ABCF2: variants seen among roughly 807,000 people sequenced by gnomAD.
ABCF2 encodes ATP binding cassette subfamily F member 2.
In ABCF2, 37 loss-of-function variants were observed where a neutral mutation model predicts 76.9. The ratio of observed to expected loss-of-function variants is 0.48; its 90% CI spans 0.37 to 0.63. ABCF2 has a LOEUF of 0.63. Among genes scored for constraint, ABCF2 ranks in the 30% least tolerant of loss-of-function variants. The pLI is 0.00. For missense variants in ABCF2, 524 were observed against 782.1 expected (o/e 0.67, Z 3.94); for synonymous variants, 299 against 283.7 (o/e 1.05, Z -0.54).
In ABCF2 at chr7:151,212,147, T is replaced by C. The variant is rs950665582; in HGVS notation, c.*1907A>G. On this transcript the variant is annotated 3_prime_UTR_variant, in exon 15 of 15. Transcript: ENST00000287844. ...TTTAAGCACCATCTGGGACAGTTGCTCCCGCCAGTCCTGGCTGTATTATGA... is the reference window on the plus strand; with the variant it reads ...TTTAAGCACCATCTGGGACAGTTGCCCCCGCCAGTCCTGGCTGTATTATGA... The C allele has an allele frequency of 2.0e-6, 2 of 985,276 alleles. No homozygotes were observed. The highest frequency in any genetic ancestry group is 2.4e-6 in the Non-Finnish European group (2 of 829,916). 61.0% of individuals were successfully genotyped at this position (985,276 alleles called of 1,614,324 possible). A position where few individuals can be genotyped will look rare whatever the true frequency, so the allele number is the denominator to read the frequency against.
intron 3 of ABCF2, 96 bp from the exon 4 acceptor site, chr7:151,224,210 A>ATTTT: frequency 2.0e-6 from 2 of 997,430 alleles, no homozygotes; most frequent in Non-Finnish European, 2.8e-6. Context: ...GACCTCATCC[A>ATTTT]TTTTTTTTTT....
In ABCF2 at chr7:151,215,138, G is replaced by A. The variant is rs1802125045; in HGVS notation, c.1531-56C>T. The A allele has an allele frequency of 1.4e-6, 2 of 1,479,862 alleles. No individual in the cohort carries two copies. The highest frequency in any genetic ancestry group is 1.7e-4 in the Middle Eastern group (1 of 5,816). The allele number at this position is 1,479,862 out of a possible 1,614,324, so 91.7% of individuals were successfully genotyped here. On this transcript the variant is annotated intron_variant, in intron 13 of 14. Transcript: ENST00000287844. The surrounding 1 kb of genome is among the most constrained non-coding windows in gnomAD (Gnocchi z 4.6). ...GGCATTATCCCCGCCAAACAGCACA[G>A]CTCATCTCTCCCTCATTTCTCCCTG...
In ABCF2 at chr7:151,217,213, GA is replaced by G. The variant is rs572812460; in HGVS notation, c.1338+867del. On this transcript the variant is annotated intron_variant, in intron 11 of 14. Transcript: ENST00000287844. ...AGGGAACAAGACAAGAACCAGCCCT[GA>G]AGAGGACACCATTCCATTATAGGAT... is the stretch of plus-strand genomic sequence containing the variant. Among the ~76,000 whole-genome samples, 9 of 152,298 alleles carry G rather than the reference GA, an allele frequency of 5.9e-5. No homozygotes were observed. In the South Asian group the frequency reaches 1.7e-3, roughly 28 times the overall value.
chr7:151,215,700 T>A lies in ABCF2; in HGVS notation c.1434A>T (p.Ser478=), dbSNP rs7786151. The change falls in exon 13 of 15, where the codon TCA becomes TCT. Residue 478 remains serine, a synonymous_variant. Transcript: ENST00000287844. The surrounding 1 kb of genome is among the most constrained non-coding windows in gnomAD (Gnocchi z 4.6). The part of the protein sequence containing the change: ...HLQEQLDLDL[S]PLEYMMKCYP... ...AGCACTTCATCATGTACTCCAAAGG[T>A]GAGAGATCTAAGTCCAGCTGCTCTT... is the stretch of plus-strand genomic sequence containing the variant. 1 of 1,614,082 alleles carries A rather than the reference T, an allele frequency of 6.2e-7. No homozygotes were observed. Among genetic ancestry groups the A allele is most frequent in the South Asian group, 1.1e-5 (1 of 91,084 alleles).
At chr7:151,217,191 G>C (rs889709615) in intron 11 of ABCF2, among the ~76,000 whole-genome samples, 3 of 152,112 alleles carry the variant, frequency 2.0e-5, no homozygotes, top group Non-Finnish European at 2.9e-5. Context: ...ACAACCCAGG[G>C]AACAAGACAA....
rs778407938 is a variant in ABCF2, at chr7:151,213,645, G to A, written c.*409C>T. On this transcript the variant is annotated 3_prime_UTR_variant, in exon 15 of 15. Coordinates refer to ENST00000287844, the MANE Select transcript of ABCF2 (RefSeq NM_007189.3). The stretch of plus-strand genomic sequence containing the variant: ...TCCAAACCAGAAGCAAAAAGGAATC[G>A]GGGCGGTGGGCTGGGGGGTACTCCT... 1.6e-5 allele frequency: 16 copies of A among 999,336 alleles called. No individual in the cohort carries two copies. The African/African-American group carries it at 1.9e-4, about 12-fold the overall frequency. 61.9% of individuals were successfully genotyped at this position (999,336 alleles called of 1,614,324 possible). A position where few individuals can be genotyped will look rare whatever the true frequency, so the allele number is the denominator to read the frequency against.
Position 151,218,769 on chromosome 7 carries a change from C to A in ABCF2, c.1122G>T (p.Arg374Ser). The change falls in exon 9 of 15, where the codon AGG (arginine) becomes AGT (serine). Residue 374 changes from arginine to serine, a missense_variant. Arg to Ser is a moderately radical substitution (Grantham distance 110). Transcript: ENST00000287844. The part of the protein sequence containing the change: ...QKMMASGLTE[R>S]VVSDKTLSFY... ...CACACCCCACCTTATCGCTCACGAC[C>A]CTCTCTGTCAGTCCTGATGCCATCA... The A allele has an allele frequency of 6.2e-7, 1 of 1,613,868 alleles. No homozygotes were observed. The highest frequency in any genetic ancestry group is 8.5e-7 in the Non-Finnish European group (1 of 1,180,004).
Position 151,215,149 on chromosome 7 carries a change from C to A in ABCF2, c.1531-67G>T. Reference sequence around the variant, plus strand: ...CGCCAAACAGCACAGCTCATCTCTCCCTCATTTCTCCCTGACTCCTCCATT... The same window carrying A: ...CGCCAAACAGCACAGCTCATCTCTCACTCATTTCTCCCTGACTCCTCCATT... On this transcript the variant is annotated intron_variant, in intron 13 of 14. Transcript: ENST00000287844. The surrounding 1 kb of genome is among the most constrained non-coding windows in gnomAD (Gnocchi z 4.6). 1 of 1,414,256 alleles carries A rather than the reference C, an allele frequency of 7.1e-7. No homozygotes were observed. The allele number at this position is 1,414,256 out of a possible 1,614,324, so 87.6% of individuals were successfully genotyped here.
intron 11 of ABCF2, among the ~76,000 whole-genome samples, chr7:151,216,802 C>T (rs1414320285): frequency 1.3e-5 from 2 of 152,244 alleles, no homozygotes; most frequent in Non-Finnish European, 2.9e-5. Context: ...GTGTGAGCCA[C>T]GGCACCTGGC....
In ABCF2 at chr7:151,212,922, C is replaced by T; in HGVS notation, c.*1132G>A. Reference sequence around the variant, plus strand: ...CAAGCGATCCATCCACCCTAGCCACCTGAGCAGGTGGGATTCCAGGCACAT... The same window carrying T: ...CAAGCGATCCATCCACCCTAGCCACTTGAGCAGGTGGGATTCCAGGCACAT... On this transcript the variant is annotated 3_prime_UTR_variant, in exon 15 of 15. Transcript: ENST00000287844. The T allele has an allele frequency of 3.7e-6, 1 of 268,582 alleles. No individual in the cohort carries two copies. The highest frequency in any genetic ancestry group is 5.7e-6 in the Non-Finnish European group (1 of 174,700). The allele number at this position is 268,582 out of a possible 1,614,324, so 16.6% of individuals were successfully genotyped here.
intron 2 of ABCF2, among the ~76,000 whole-genome samples, chr7:151,225,431 G>C (rs1308407915): frequency 1.3e-5 from 2 of 152,116 alleles, no homozygotes; most frequent in East Asian, 1.9e-4. Context: ...TTTAGACAAA[G>C]AAACAGGAGA....
chr7:151,219,041 G>A (rs1187155397), intron 8 of ABCF2, 23 bp downstream of exon 8: 2 of 1,612,852 alleles, frequency 1.2e-6, no homozygotes, highest in African/African-American at 1.3e-5. Flanking sequence ...GAGGCCATGA[G>A]CCTGACTCTG....
intron 6 of ABCF2, 82 bp from the exon 7 acceptor site, chr7:151,221,762 C>T: frequency 9.7e-7 from 1 of 1,028,852 alleles, no homozygotes; most frequent in Non-Finnish European, 1.5e-6. Context: ...TCAGGCCCAT[C>T]CTCATCCCTA....
chr7:151,226,163 A>G (rs1334420008), intron 2 of ABCF2, 142 bp downstream of exon 2: 1 of 1,031,974 alleles, frequency 9.7e-7, no homozygotes, highest in East Asian at 2.6e-5. Flanking sequence ...ACGAATTCCA[A>G]CTCTACTGAT....
chr7:151,223,062 A>G (rs1802303705), intron 5 of ABCF2, among the ~76,000 whole-genome samples: 1 of 152,250 alleles, frequency 6.6e-6, no homozygotes, highest in South Asian at 2.1e-4. Context: ...CTGTGTTTTT[A>G]AAAGCTCCTT....
Position 151,215,427 on chromosome 7 carries a change from C to A in ABCF2, c.1530+177G>T, listed in dbSNP as rs1240474177. The stretch of plus-strand genomic sequence containing the variant: ...ACGCTATCCTTGCCCCCTCAAAATG[C>A]TCCATTACATAACAACCTAGAGTAA... On this transcript the variant is annotated intron_variant, in intron 13 of 14. Coordinates refer to ENST00000287844, the MANE Select transcript of ABCF2 (RefSeq NM_007189.3). This position sits in a 1 kb window ranked among gnomAD's most constrained non-coding sequence, Gnocchi z 4.6. Among the ~76,000 whole-genome samples the A allele has an allele frequency of 6.6e-6, 1 of 152,204 alleles. No homozygotes were observed. Among genetic ancestry groups the A allele is most frequent in the Non-Finnish European group, 1.5e-5 (1 of 68,038 alleles).
rs530546345 is a variant in ABCF2 at position 151,213,092 on chromosome 7, G to A, written c.*962C>T. 16 of 985,312 alleles carry A rather than the reference G, an allele frequency of 1.6e-5. No individual in the cohort carries two copies. In the South Asian group the frequency reaches 2.8e-4, roughly 17 times the overall value. The allele number at this position is 985,312 out of a possible 1,614,324, so 61.0% of individuals were successfully genotyped here. On this transcript the variant is annotated 3_prime_UTR_variant, in exon 15 of 15. Transcript: ENST00000287844. ...ATTTTTAACAAGCAGCCCAACTGCT[G>A]TGCAGTTGGGGCAGAACCTCAGATC...
At chr7:151,221,794 C>G in intron 6 of ABCF2, 114 bp from the exon 7 acceptor site, 1 of 759,746 alleles carries the variant, frequency 1.3e-6, no homozygotes, top group Non-Finnish European at 2.3e-6. Context: ...GATGTGTTGT[C>G]CAATTCCTGG....
chr7:151,221,742 G>T lies in ABCF2; in HGVS notation c.819-62C>A. On this transcript the variant is annotated intron_variant, in intron 6 of 14. Coordinates refer to ENST00000287844, the MANE Select transcript of ABCF2 (RefSeq NM_007189.3). ...CCATGGGAGCTAGCTGACAACAGGTGAACTGAAAGTCAGGCCCATCCTCAT... is the reference window on the plus strand; with the variant it reads ...CCATGGGAGCTAGCTGACAACAGGTTAACTGAAAGTCAGGCCCATCCTCAT... 3.2e-6 allele frequency: 4 copies of T among 1,260,572 alleles called. No individual in the cohort carries two copies. In the South Asian group the frequency reaches 3.6e-5, roughly 11 times the overall value. The allele number at this position is 1,260,572 out of a possible 1,614,324, so 78.1% of individuals were successfully genotyped here. A position where few individuals can be genotyped will look rare whatever the true frequency, so the allele number is the denominator to read the frequency against.
Sources: gnomAD v4.1 joint callset for allele counts (sites outside exome capture counted in the v4.1 genomes callset) on GRCh38, gnomAD v4.1.1 for gene constraint, Gnocchi (gnomAD v3.1) non-coding constraint, MANE v1.5 for transcripts, NCBI Gene and HGNC (gene_info 2026-07-23, HGNC 2026-07-21) for gene names.